PIK3C3: variants seen among roughly 807,000 people sequenced by gnomAD.
The protein encoded by PIK3C3 is PI3-kinase type 3.
Under a neutral mutation model 126.1 loss-of-function variants are expected in PIK3C3, and 95 were observed. That is an observed-to-expected ratio of 0.75 (90% confidence interval 0.64 to 0.89). The LOEUF (loss-of-function observed/expected upper bound fraction) is 0.89, where lower values mean the gene tolerates loss of function less well. Ranked by LOEUF, PIK3C3 falls within the 40% of genes least tolerant of loss-of-function variation. The probability of loss-of-function intolerance (pLI) is 0.00; values close to 1 mark genes in which losing one functional copy is unlikely to be tolerated. For synonymous variants in PIK3C3, 374 were observed against 360.0 expected, an observed-to-expected ratio of 1.04 and a Z score of -0.44; for missense variants, 829 against 1,063.2, an observed-to-expected ratio of 0.78 and a Z score of 3.06.
chr18:42,052,171 G>A (rs573936674), intron 21 of PIK3C3, among the ~76,000 whole-genome samples: 128 of 152,062 alleles, frequency 8.4e-4, no homozygotes, highest in African/African-American at 2.7e-3. Flanking sequence ...GTGTGTGTGC[G>A]TATGTGTGTT....
rs61755375 is a variant in PIK3C3 at position 42,027,449 on chromosome 18, G to C, written c.1491G>C (p.Val497=). 2.5e-6 allele frequency: 4 copies of C among 1,587,882 alleles called. No homozygotes were observed. The African/African-American group carries it at 4.0e-5, about 16-fold the overall frequency. ...GGCTCAAACTATTTTTAAGGTATGTGATAGTGGAATGTGAAGATCAAGATA... is the reference window on the plus strand; with the variant it reads ...GGCTCAAACTATTTTTAAGGTATGTCATAGTGGAATGTGAAGATCAAGATA... ...STLANYLYWY[V]IVECEDQDTQ... is the part of the protein sequence containing the mutation. Residue 497 remains valine (V), a synonymous_variant, in exon 14 of 25, where the codon GTG becomes GTC. Coordinates refer to ENST00000262039, the MANE Select transcript of PIK3C3 (RefSeq NM_002647.4).
At chr18:41,963,304 T>A (rs957105024) in intron 3 of PIK3C3, among the ~76,000 whole-genome samples, 1 of 152,250 alleles carries the variant, frequency 6.6e-6, no homozygotes, top group Non-Finnish European at 1.5e-5. Context: ...TCTTTCCCTT[T>A]ACCGATTTTA....
chr18:42,004,572 G>T, intron 10 of PIK3C3, 31 bp downstream of exon 10: 2 of 1,529,342 alleles, frequency 1.3e-6, no homozygotes, highest in South Asian at 1.2e-5. Context: ...CTGCTTCAAT[G>T]GGTCATTTTA....
chr18:42,009,701 AAT>A (rs1439288058), intron 10 of PIK3C3, among the ~76,000 whole-genome samples: 1 of 147,496 alleles, frequency 6.8e-6, no homozygotes, highest in South Asian at 2.2e-4. Context: ...TACATTATGT[AAT>A]GCTTACATTA....
intron 18 of PIK3C3, among the ~76,000 whole-genome samples, chr18:42,040,319 G>A (rs140580438): frequency 2.9e-4 from 44 of 151,814 alleles, no homozygotes; most frequent in African/African-American, 1.0e-3. Context: ...ATTTCTTACG[G>A]TGATTTTAAA....
Position 42,085,583 on chromosome 18 carries a change from C to T in PIK3C3, c.*4446C>T, listed in dbSNP as rs763639178. On this transcript the variant is annotated 3_prime_UTR_variant, in exon 25 of 25. Transcript: ENST00000262039. Reference sequence around the variant, plus strand: ...CTAGTGGACCCACTGCATAGTGTAACTTTGGGATGAATTTAAAAGAATATT... The same window carrying T: ...CTAGTGGACCCACTGCATAGTGTAATTTTGGGATGAATTTAAAAGAATATT... 4 of 152,272 alleles carry T rather than the reference C, an allele frequency of 2.6e-5. No homozygotes were observed. The highest frequency in any genetic ancestry group is 4.4e-5 in the Non-Finnish European group (3 of 68,032). The allele number at this position is 152,272 out of a possible 1,614,324, so 9.4% of individuals were successfully genotyped here.
At chr18:42,022,347 C>T (rs971500726) in intron 13 of PIK3C3, among the ~76,000 whole-genome samples, 3 of 152,118 alleles carry the variant, frequency 2.0e-5, no homozygotes, top group African/African-American at 7.2e-5. Context: ...CAAGTGTTCT[C>T]ATTGTTCAAT....
At chr18:42,052,112 TAAAA>T (rs1219117119) in intron 21 of PIK3C3, among the ~76,000 whole-genome samples, 1 of 152,050 alleles carries the variant, frequency 6.6e-6, no homozygotes. Flanking sequence ...TCAGACAGTG[TAAAA>T]AACCTTTTTC....
intron 13 of PIK3C3, among the ~76,000 whole-genome samples, chr18:42,022,862 T>C (rs774040276): frequency 2.0e-5 from 3 of 152,172 alleles, no homozygotes; most frequent in Non-Finnish European, 4.4e-5. Context: ...TGCTACTATT[T>C]CCTTTAAATG....
chr18:42,044,633 G>C (rs766696660), intron 20 of PIK3C3, among the ~76,000 whole-genome samples: 1 of 152,058 alleles, frequency 6.6e-6, no homozygotes, highest in Non-Finnish European at 1.5e-5. Flanking sequence ...TCCCAGGCTG[G>C]TCTCAAACTC....
intron 14 of PIK3C3, among the ~76,000 whole-genome samples, chr18:42,029,042 G>T (rs1265786862): frequency 6.6e-6 from 1 of 152,166 alleles, no homozygotes; most frequent in Non-Finnish European, 1.5e-5. Flanking sequence ...TAGGATGAAT[G>T]AATTCTATCT....
intron 24 of PIK3C3, among the ~76,000 whole-genome samples, chr18:42,079,934 C>G (rs1228529449): frequency 6.7e-6 from 1 of 148,498 alleles, no homozygotes; most frequent in Non-Finnish European, 1.5e-5. Context: ...CCTCTTATTT[C>G]CCCAACTTTT....
chr18:42,068,985 T>C (rs1479374733), intron 24 of PIK3C3, among the ~76,000 whole-genome samples: 1 of 151,632 alleles, frequency 6.6e-6, no homozygotes, highest in Non-Finnish European at 1.5e-5. Context: ...GATATTTAGA[T>C]TCCGTTATAA....
Position 42,081,168 on chromosome 18 carries a change from T to C in PIK3C3, c.*31T>C. On this transcript the variant is annotated 3_prime_UTR_variant, in exon 25 of 25. Transcript: ENST00000262039. ...GGATTGACCCATCAAGATGCTTGGC[T>C]CAATAAGAAAACCACGTTAGGAGCA... 1.3e-6 allele frequency: 2 copies of C among 1,551,878 alleles called. No individual in the cohort carries two copies. The highest frequency in any genetic ancestry group is 1.8e-6 in the Non-Finnish European group (2 of 1,131,738).
rs548346976 is a variant in PIK3C3, at chr18:42,003,533, T to C, written c.985-823T>C. 4.6e-5 allele frequency among the ~76,000 whole-genome samples: 7 copies of C among 152,312 alleles called. No individual in the cohort carries two copies. The South Asian group carries it at 1.5e-3, about 32-fold the overall frequency. On this transcript the variant is annotated intron_variant, in intron 9 of 24. Coordinates refer to ENST00000262039, the MANE Select transcript of PIK3C3 (RefSeq NM_002647.4). ...CTCAAGCAATTCTCCTGACTGAGCA[T>C]CTGAAAGTGCTGGGATTACAGGCAT... is the stretch of plus-strand genomic sequence containing the variant.
At chr18:42,033,765 T>A in intron 15 of PIK3C3, 61 bp from the exon 16 acceptor site, 1 of 1,270,172 alleles carries the variant, frequency 7.9e-7, no homozygotes, top group East Asian at 2.5e-5. Context: ...ATGTCTTTAC[T>A]ATATGTTTTA....
chr18:41,960,228 T>C (rs1405747187), intron 2 of PIK3C3, among the ~76,000 whole-genome samples: 1 of 152,242 alleles, frequency 6.6e-6, no homozygotes, highest in Non-Finnish European at 1.5e-5. Context: ...TGAGGGACAC[T>C]TGTACTTCCT....
chr18:42,000,210 C>T (rs756594026), intron 9 of PIK3C3, among the ~76,000 whole-genome samples: 3 of 152,032 alleles, frequency 2.0e-5, no homozygotes, highest in South Asian at 2.1e-4. Context: ...TGCACCACCA[C>T]GCCGGCTAAT....
rs890470245 is a variant in PIK3C3, at chr18:42,065,303, G to A, written c.2523+473G>A. ...AAACACCCTGAGATGACCCATGACC[G>A]CAGAAAAGGACTTTAAAGCAGCTGT... On this transcript the variant is annotated intron_variant, in intron 23 of 24. Transcript: ENST00000262039. 1.2e-4 allele frequency among the ~76,000 whole-genome samples: 18 copies of A among 152,078 alleles called. No individual in the cohort carries two copies. The South Asian group carries it at 2.5e-3, about 21-fold the overall frequency.
Sources: gnomAD v4.1 joint callset for allele counts (sites outside exome capture counted in the v4.1 genomes callset) on GRCh38, gnomAD v4.1.1 for gene constraint, MANE v1.5 for transcripts, NCBI Gene and HGNC (gene_info 2026-07-23, HGNC 2026-07-21) for gene names.